SOX5: variants seen among roughly 807,000 people sequenced by gnomAD.
SOX5 encodes the protein SRY-box transcription factor 5.
SOX5 carries 9 observed loss-of-function variants against 92.0 expected under a neutral mutation model. The observed-to-expected ratio is 0.10, with a 90% CI of 0.06 to 0.17. The LOEUF (loss-of-function observed/expected upper bound fraction) is 0.17, where lower values mean the gene tolerates loss of function less well. Among genes scored for constraint, SOX5 ranks in the 10% least tolerant of loss-of-function variants. The pLI is 1.00. For synonymous variants in SOX5, 344 were observed against 336.3 expected, an observed-to-expected ratio of 1.02 and a Z score of -0.25; for missense variants, 642 against 944.5, an observed-to-expected ratio of 0.68 and a Z score of 4.20.
At chr12:23,775,088 TAAAG>T (rs1292200882) in intron 3 of SOX5, among the ~76,000 whole-genome samples, 1 of 152,178 alleles carries the variant, frequency 6.6e-6, no homozygotes, top group Non-Finnish European at 1.5e-5. Flanking sequence ...TTTGTAATAA[TAAAG>T]AGACAACTTT....
At chr12:24,146,832 T>C (rs1565530792) in intron 4 of SOX5, among the ~76,000 whole-genome samples, 1 of 151,716 alleles carries the variant, frequency 6.6e-6, no homozygotes, top group Non-Finnish European at 1.5e-5. Context: ...AAAATTTTAA[T>C]AAGATAATAT....
intron 4 of SOX5, among the ~76,000 whole-genome samples, chr12:24,179,754 A>G (rs1955259466): frequency 6.6e-6 from 1 of 152,104 alleles, no homozygotes; most frequent in African/African-American, 2.4e-5. Flanking sequence ...TATGGTGTTC[A>G]TAGGTTAGAT....
At chr12:24,041,256 C>T (rs1040380875) in intron 4 of SOX5, among the ~76,000 whole-genome samples, 2 of 152,116 alleles carry the variant, frequency 1.3e-5, no homozygotes, top group African/African-American at 4.8e-5. Flanking sequence ...TCACTGAATA[C>T]TTCTTAATTG....
At chr12:24,478,338 T>C (rs2137755747) in intron 1 of SOX5, among the ~76,000 whole-genome samples, 1 of 152,356 alleles carries the variant, frequency 6.6e-6, no homozygotes, top group South Asian at 2.1e-4. Context: ...TTTGTACTTT[T>C]CTCATTTTAT....
chr12:23,742,568 T>C (rs2093836262), intron 4 of SOX5, among the ~76,000 whole-genome samples: 1 of 152,232 alleles, frequency 6.6e-6, no homozygotes, highest in African/African-American at 2.4e-5. Context: ...GCTAGCAAGA[T>C]AAACATCTTC....
At chr12:23,620,790 TACCAACGAAGCAATACAGAGAAAC>T (rs2077082491) in intron 8 of SOX5, among the ~76,000 whole-genome samples, 1 of 152,122 alleles carries the variant, frequency 6.6e-6, no homozygotes, top group Non-Finnish European at 1.5e-5. Context: ...ATTTCTCACG[TACCAACGAAGCAATACAGAGAAAC>T]AACTCTTAAC....
intron 8 of SOX5, among the ~76,000 whole-genome samples, chr12:23,629,426 T>C (rs1170608429): frequency 6.6e-6 from 1 of 152,082 alleles, no homozygotes; most frequent in Non-Finnish European, 1.5e-5. Flanking sequence ...CACCCTTTTG[T>C]TAATATCTGT....
chr12:24,463,105 T>C (rs1398776753), intron 1 of SOX5, among the ~76,000 whole-genome samples: 1 of 151,832 alleles, frequency 6.6e-6, no homozygotes, highest in African/African-American at 2.4e-5. Flanking sequence ...GTAGTCCAGC[T>C]ACTCAGGCAG....
At chr12:23,803,050 C>G (rs1424663148) in intron 3 of SOX5, among the ~76,000 whole-genome samples, 2 of 152,130 alleles carry the variant, frequency 1.3e-5, no homozygotes, top group African/African-American at 2.4e-5. Flanking sequence ...CTCTTGGACT[C>G]TTCCTCCGAA....
At chr12:24,424,145 T>C (rs1186859304) in intron 1 of SOX5, among the ~76,000 whole-genome samples, 2 of 152,122 alleles carry the variant, frequency 1.3e-5, no homozygotes, top group Non-Finnish European at 2.9e-5. Flanking sequence ...AATGAGCATC[T>C]CCAAATTGTT....
rs1204872548 is a variant in SOX5, at chr12:24,373,445, T to C, written c.-250-4806A>G. Among the ~76,000 whole-genome samples, 10 of 152,332 alleles carry C rather than the reference T, an allele frequency of 6.6e-5. No homozygotes were observed. The East Asian group carries it at 1.9e-3, about 29-fold the overall frequency. On this transcript the variant is annotated intron_variant, in intron 1 of 4. Transcript: ENST00000446891. ...ATGCTAAATTCTGTGTTAGTTGAAG[T>C]CAGCATTCTTCAAAGAAATTTAGTT...
chr12:24,469,586 C>T (rs185192675), intron 1 of SOX5, among the ~76,000 whole-genome samples: 8 of 152,264 alleles, frequency 5.3e-5, no homozygotes, highest in African/African-American at 1.4e-4. Context: ...CTTTCTATGA[C>T]GCCCCAGGCT....
chr12:24,364,636 T>TCAATTC lies in SOX5; in HGVS notation c.-174+3921_-174+3926dup, dbSNP rs548761904. On this transcript the variant is annotated intron_variant, in intron 2 of 4. Coordinates refer to the SOX5 transcript ENST00000446891. ...ATGACTGATACTACTATGGAGAGAA[T>TCAATTC]CAATTCCCTAGCTAGGTTAAAATTA... 5.4e-4 allele frequency among the ~76,000 whole-genome samples: 81 copies of TCAATTC among 150,518 alleles called. 2 individuals carry two copies. In the East Asian group the frequency reaches 0.01, roughly 19 times the overall value.
intron 1 of SOX5, among the ~76,000 whole-genome samples, chr12:24,551,244 A>G (rs1953125599): frequency 6.6e-6 from 1 of 152,228 alleles, no homozygotes; most frequent in Non-Finnish European, 1.5e-5. Flanking sequence ...CCAAATACTT[A>G]TTAAATAGCT....
intron 1 of SOX5, among the ~76,000 whole-genome samples, chr12:24,472,528 T>G (rs1318456603): frequency 2.6e-5 from 4 of 152,180 alleles, no homozygotes; most frequent in Non-Finnish European, 4.4e-5. Context: ...TTCAATTTTG[T>G]GAACAAAGAA....
chr12:24,016,892 C>T (rs1223991621), intron 4 of SOX5, among the ~76,000 whole-genome samples: 1 of 152,162 alleles, frequency 6.6e-6, no homozygotes, highest in Non-Finnish European at 1.5e-5. Context: ...TTGATGTTTA[C>T]TGTAAAATGA....
rs372663973 is a variant in SOX5 at position 23,660,108 on chromosome 12, CTCAT to C, written c.931+5332_931+5335del. ...GTTGTTTTCCTCAGTCAGAGGAAGC[CTCAT>C]TCATGTATGGCAGAGTGAGTTTGAT... On this transcript the variant is annotated intron_variant, in intron 7 of 14. Coordinates refer to ENST00000451604, the MANE Select transcript of SOX5 (RefSeq NM_006940.6). Among the ~76,000 whole-genome samples the C allele has an allele frequency of 5.9e-5, 9 of 152,274 alleles. No homozygotes were observed. In the East Asian group the frequency reaches 1.7e-3, roughly 29 times the overall value.
At chr12:23,696,919 C>T (rs896300275) in intron 6 of SOX5, among the ~76,000 whole-genome samples, 2 of 152,002 alleles carry the variant, frequency 1.3e-5, no homozygotes, top group Admixed American at 6.6e-5. Context: ...TGTTTGCTTA[C>T]TAATTTTTAA....
chr12:24,182,569 C>CT (rs750147077), intron 4 of SOX5, among the ~76,000 whole-genome samples: 198 of 146,554 alleles, frequency 1.4e-3, no homozygotes, highest in East Asian at 8.1e-3. Flanking sequence ...TATTGGGACT[C>CT]TTTTTTTTTT....
Sources: allele counts gnomAD v4.1 joint callset (sites outside exome capture counted in the v4.1 genomes callset), GRCh38; gene constraint gnomAD v4.1.1; transcripts MANE v1.5; gene names NCBI Gene and HGNC (gene_info 2026-07-23, HGNC 2026-07-21).